MACROD2: variants seen among roughly 807,000 people sequenced by gnomAD.
MACROD2 encodes the protein ADP-ribose glycohydrolase MACROD2.
In MACROD2, 36 loss-of-function variants were observed where a neutral mutation model predicts 70.4. The ratio of observed to expected loss-of-function variants is 0.51; its 90% CI spans 0.39 to 0.68. The LOEUF (loss-of-function observed/expected upper bound fraction) is 0.68. Ranked by LOEUF, MACROD2 falls within the 30% of genes least tolerant of loss-of-function variation. The probability of loss-of-function intolerance (pLI) is 0.00; values close to 1 mark genes in which losing one functional copy is unlikely to be tolerated. For missense variants in MACROD2, 496 were observed against 538.4 expected (o/e 0.92, Z 0.78); for synonymous variants, 172 against 178.8 (o/e 0.96, Z 0.30).
At chr20:15,528,568 G>A (rs1054564544) in intron 8 of MACROD2, among the ~76,000 whole-genome samples, 2 of 152,198 alleles carry the variant, frequency 1.3e-5, no homozygotes, top group African/African-American at 4.8e-5. Flanking sequence ...ATCCTTGGGA[G>A]CCCTGCCAAG....
intron 3 of MACROD2, among the ~76,000 whole-genome samples, chr20:14,335,623 T>C (rs1173866383): frequency 6.6e-6 from 1 of 152,184 alleles, no homozygotes. Flanking sequence ...CCAGTCATAA[T>C]TGATTTTAAA....
chr20:15,818,479 A>AT (rs2063901011), intron 8 of MACROD2, among the ~76,000 whole-genome samples: 1 of 152,124 alleles, frequency 6.6e-6, no homozygotes, highest in Non-Finnish European at 1.5e-5. Context: ...ATGTATTCGA[A>AT]TTAGTGTATA....
chr20:15,204,379 G>A (rs887563892), intron 5 of MACROD2, among the ~76,000 whole-genome samples: 10 of 152,034 alleles, frequency 6.6e-5, no homozygotes, highest in South Asian at 2.1e-4. Context: ...GCCTGTCGAC[G>A]CTTGTGAATT....
intron 4 of MACROD2, chr20:14,631,708 A>C (rs1984523293): frequency 6.6e-6 from 1 of 152,256 alleles, no homozygotes; most frequent in African/African-American, 2.4e-5. Context: ...CCAGGAGCGG[A>C]GGTTGCAGTG....
At chr20:15,865,688 A>G (rs1249065983) in intron 9 of MACROD2, among the ~76,000 whole-genome samples, 1 of 152,186 alleles carries the variant, frequency 6.6e-6, no homozygotes, top group Non-Finnish European at 1.5e-5. Flanking sequence ...GCGAGGAAGT[A>G]AAACCAAAAT....
chr20:15,646,246 G>A (rs1444774604), intron 8 of MACROD2, among the ~76,000 whole-genome samples: 1 of 152,082 alleles, frequency 6.6e-6, no homozygotes, highest in Non-Finnish European at 1.5e-5. Flanking sequence ...AAAATCTGTT[G>A]TCAGGACTCA....
chr20:14,142,238 T>C (rs1230034586), intron 3 of MACROD2, among the ~76,000 whole-genome samples: 1 of 152,222 alleles, frequency 6.6e-6, no homozygotes, highest in Non-Finnish European at 1.5e-5. Context: ...GTGGCCTTGG[T>C]GCTTCAGTGG....
At position 15,809,857 on chromosome 20, in the gene MACROD2, C is replaced by A. The variant is rs1283371929; in HGVS notation, c.646-52888C>A. The stretch of plus-strand genomic sequence containing the variant: ...ATCTGAGTTGCCTTCTCTGGCCACC[C>A]TATCTTTTTTTTTTTTTTTATTATA... On this transcript the variant is annotated intron_variant, in intron 8 of 17. Coordinates refer to ENST00000684519, the MANE Select transcript of MACROD2 (RefSeq NM_001351661.2). 1.9e-4 allele frequency among the ~76,000 whole-genome samples: 25 copies of A among 131,656 alleles called. No individual in the cohort carries two copies. In the Admixed American group the frequency reaches 1.9e-3, roughly 10 times the overall value. The allele number at this position is 131,656 out of a possible 152,430, so 86.4% of individuals were successfully genotyped here. A position where few individuals can be genotyped will look rare whatever the true frequency, so the allele number is the denominator to read the frequency against.
At chr20:15,401,280 C>T (rs112679979) in intron 6 of MACROD2, among the ~76,000 whole-genome samples, 159 of 152,212 alleles carry the variant, frequency 1.0e-3, no homozygotes, top group Middle Eastern at 3.4e-3. Context: ...CCTTGTGATC[C>T]GCCCGCCTCG....
At chr20:15,618,921 A>T (rs576111168) in intron 8 of MACROD2, among the ~76,000 whole-genome samples, 2 of 152,322 alleles carry the variant, frequency 1.3e-5, no homozygotes, top group East Asian at 3.9e-4. Context: ...TTTAAGGATA[A>T]TTTGGCGGGT....
intron 5 of MACROD2, among the ~76,000 whole-genome samples, chr20:14,754,845 CT>C (rs1292160929): frequency 1.4e-5 from 2 of 142,046 alleles, no homozygotes; most frequent in African/African-American, 5.2e-5. Flanking sequence ...TTTCCATGAA[CT>C]TAAGGATCAC....
intron 8 of MACROD2, among the ~76,000 whole-genome samples, chr20:15,621,099 A>G (rs190942306): frequency 2.7e-4 from 41 of 152,278 alleles, no homozygotes; most frequent in Admixed American, 2.6e-3. Context: ...TGGGGATGTC[A>G]CTTTGTTCAT....
At chr20:14,727,972 A>G (rs2071549746) in intron 5 of MACROD2, among the ~76,000 whole-genome samples, 1 of 152,178 alleles carries the variant, frequency 6.6e-6, no homozygotes, top group Non-Finnish European at 1.5e-5. Flanking sequence ...TTTCAAGAAT[A>G]AGAGTTGCTT....
At chr20:15,086,060 G>A (rs774022888) in intron 5 of MACROD2, among the ~76,000 whole-genome samples, 17 of 152,034 alleles carry the variant, frequency 1.1e-4, no homozygotes, top group Non-Finnish European at 1.6e-4. Flanking sequence ...CTGGTGAGGT[G>A]GGGTTGAGGG....
At chr20:15,646,904 G>C (rs375717979) in intron 8 of MACROD2, among the ~76,000 whole-genome samples, 1 of 152,154 alleles carries the variant, frequency 6.6e-6, no homozygotes, top group Non-Finnish European at 1.5e-5. Flanking sequence ...TTACAGTAGC[G>C]TGAAAACGGA....
intron 4 of MACROD2, among the ~76,000 whole-genome samples, chr20:14,657,063 C>T (rs1986011973): frequency 6.6e-6 from 1 of 152,144 alleles, no homozygotes. Context: ...AAATACATAC[C>T]ATTCTTGCCA....
At chr20:15,023,566 T>C (rs1421806808) in intron 5 of MACROD2, among the ~76,000 whole-genome samples, 1 of 152,124 alleles carries the variant, frequency 6.6e-6, no homozygotes, top group Non-Finnish European at 1.5e-5. Flanking sequence ...CAGTTCCACA[T>C]GGCTGAGGAG....
intron 5 of MACROD2, among the ~76,000 whole-genome samples, chr20:15,147,307 T>G (rs2076237319): frequency 6.6e-6 from 1 of 152,176 alleles, no homozygotes; most frequent in Admixed American, 6.5e-5. Context: ...ATCTATAGAC[T>G]GGATTTGATT....
At chr20:14,353,043 A>G (rs940554484) in intron 3 of MACROD2, among the ~76,000 whole-genome samples, 2 of 152,174 alleles carry the variant, frequency 1.3e-5, no homozygotes, top group African/African-American at 4.8e-5. Flanking sequence ...AATTAAAATT[A>G]GCGTTAGCTG....
Sources: gnomAD v4.1 joint callset for allele counts (sites outside exome capture counted in the v4.1 genomes callset) on GRCh38, gnomAD v4.1.1 for gene constraint, MANE v1.5 for transcripts, NCBI Gene and HGNC (gene_info 2026-07-23, HGNC 2026-07-21) for gene names.